The following DYM variants were observed in gnomAD, a reference collection of about 807,000 sequenced individuals.
DYM encodes dymeclin, also known as dyggve-Melchior-Clausen syndrome protein.
In DYM, 78 loss-of-function variants were observed where a neutral mutation model predicts 93.1. That is an observed-to-expected ratio of 0.84 (90% CI 0.70 to 1.01). The LOEUF (loss-of-function observed/expected upper bound fraction) is 1.01, where lower values mean the gene tolerates loss of function less well. Ranked by LOEUF, DYM falls within the 50% of genes least tolerant of loss-of-function variation. The probability of loss-of-function intolerance (pLI) is 0.00; values close to 1 mark genes in which losing one functional copy is unlikely to be tolerated. For synonymous variants in DYM, 321 were observed against 319.7 expected (o/e 1.00, Z -0.04); for missense variants, 789 against 845.0 (o/e 0.93, Z 0.82).
intron 13 of DYM, among the ~76,000 whole-genome samples, chr18:49,218,357 G>A (rs1378709677): frequency 1.3e-5 from 2 of 152,122 alleles, no homozygotes; most frequent in Non-Finnish European, 2.9e-5. Flanking sequence ...GAAACAGAAA[G>A]TTAACAAGGA....
chr18:49,359,343 A>G (rs2065832509), intron 6 of DYM, among the ~76,000 whole-genome samples: 1 of 152,230 alleles, frequency 6.6e-6, no homozygotes, highest in African/African-American at 2.4e-5. Context: ...GCTGAGAGCT[A>G]TGGAGTTAAG....
intron 16 of DYM, among the ~76,000 whole-genome samples, chr18:49,108,457 C>G (rs1245093072): frequency 2.0e-5 from 3 of 152,252 alleles, no homozygotes; most frequent in Non-Finnish European, 4.4e-5. Flanking sequence ...AACCCGGTAT[C>G]TCAGTTGGAA....
intron 15 of DYM, among the ~76,000 whole-genome samples, chr18:49,125,144 C>T (rs2082693078): frequency 6.6e-6 from 1 of 152,112 alleles, no homozygotes; most frequent in Non-Finnish European, 1.5e-5. Context: ...CCTGTAATCC[C>T]AGCTACTCAG....
intron 2 of DYM, among the ~76,000 whole-genome samples, chr18:49,426,843 C>T (rs1041812839): frequency 4.0e-5 from 6 of 151,292 alleles, no homozygotes; most frequent in African/African-American, 1.5e-4. Context: ...TAAAGGGAAA[C>T]GGGAAGTATA....
At chr18:49,240,167 A>C (rs1181463891) in intron 13 of DYM, among the ~76,000 whole-genome samples, 1 of 152,196 alleles carries the variant, frequency 6.6e-6, no homozygotes, top group Non-Finnish European at 1.5e-5. Context: ...GAAATAGTAG[A>C]TATTTAAAAG....
chr18:49,230,197 T>C (rs1420615469), intron 13 of DYM, among the ~76,000 whole-genome samples: 2 of 152,172 alleles, frequency 1.3e-5, no homozygotes, highest in Admixed American at 1.3e-4. Flanking sequence ...CTACATGTAA[T>C]ACATTTTTTA....
chr18:49,195,235 G>A (rs555475370), intron 14 of DYM, among the ~76,000 whole-genome samples: 3 of 151,998 alleles, frequency 2.0e-5, no homozygotes, highest in South Asian at 4.2e-4. Flanking sequence ...TCAAAGTATC[G>A]TGTTACTTTA....
chr18:49,414,540 A>T (rs1385989384), intron 2 of DYM, among the ~76,000 whole-genome samples: 1 of 152,136 alleles, frequency 6.6e-6, no homozygotes, highest in East Asian at 1.9e-4. Context: ...CCAAGTCCTT[A>T]TGTTATTTGT....
At chr18:49,345,172 T>C (rs1157789351) in intron 6 of DYM, among the ~76,000 whole-genome samples, 1 of 152,126 alleles carries the variant, frequency 6.6e-6, no homozygotes, top group East Asian at 1.9e-4. Context: ...TTGCATGTGC[T>C]TCAAAGTTTG....
chr18:49,046,299 G>A (rs560649177), intron 17 of DYM, among the ~76,000 whole-genome samples: 7 of 127,188 alleles, frequency 5.5e-5, no homozygotes, highest in South Asian at 2.8e-4. Flanking sequence ...CCAGACATGC[G>A]CGCGCACACA....
At chr18:49,361,723 A>G (rs1398623149) in intron 6 of DYM, among the ~76,000 whole-genome samples, 1 of 151,928 alleles carries the variant, frequency 6.6e-6, no homozygotes, top group Non-Finnish European at 1.5e-5. Flanking sequence ...TAATTTTTTA[A>G]TTTTTTATTT....
At chr18:49,275,228 T>C (rs939467296) in intron 10 of DYM, among the ~76,000 whole-genome samples, 6 of 152,158 alleles carry the variant, frequency 3.9e-5, no homozygotes, top group African/African-American at 1.4e-4. Context: ...TGAAAAAACC[T>C]ATTCTTTCCA....
chr18:49,082,943 T>G lies in DYM; in HGVS notation c.2025+14459A>C, dbSNP rs1442561497. ...GTAGGTTTTTTCCAAGTGCCCATTG[T>G]CAGGTGAGGAATTTACCTTATATTC... is the stretch of plus-strand genomic sequence containing the variant. On this transcript the variant is annotated intron_variant, in intron 17 of 17. Transcript: ENST00000675505. Among the ~76,000 whole-genome samples, 5 of 152,338 alleles carry G rather than the reference T, an allele frequency of 3.3e-5. No homozygotes were observed. The East Asian group carries it at 9.6e-4, about 29-fold the overall frequency.
rs540189318 is a variant in DYM, at chr18:49,195,916, C to CTTTTTTTTTTTTTTTTTTTTT, written c.1625+13614_1625+13634dup. Among the ~76,000 whole-genome samples, 8 of 84,026 alleles carry CTTTTTTTTTTTTTTTTTTTTT rather than the reference C, an allele frequency of 9.5e-5. 2 individuals carry two copies. Among genetic ancestry groups the CTTTTTTTTTTTTTTTTTTTTT allele is most frequent in the African/African-American group, 4.5e-4 (8 of 17,738 alleles). The allele number at this position is 84,026 out of a possible 152,430, so 55.1% of individuals were successfully genotyped here. On this transcript the variant is annotated intron_variant, in intron 14 of 17. Transcript: ENST00000675505. ...ATTATGCTCTCTTGAATGCTACCAT[C>CTTTTTTTTTTTTTTTTTTTTT]TTTTTTTTTTTTTTTTTTTTTTTTT...
At chr18:49,412,687 A>G in intron 2 of DYM, among the ~76,000 whole-genome samples, 1 of 152,200 alleles carries the variant, frequency 6.6e-6, no homozygotes, top group South Asian at 2.1e-4. Flanking sequence ...AGATTTTTCA[A>G]CTTGAAAAGT....
At chr18:49,378,105 A>G (rs2067685932) in intron 5 of DYM, among the ~76,000 whole-genome samples, 1 of 152,218 alleles carries the variant, frequency 6.6e-6, no homozygotes, top group Non-Finnish European at 1.5e-5. Flanking sequence ...TACTTCTGAT[A>G]AAGTGTCGTA....
chr18:49,160,690 G>A (rs57434680), intron 15 of DYM, among the ~76,000 whole-genome samples: 17,533 of 151,856 alleles, frequency 0.12, 1,203 homozygotes, highest in East Asian at 0.29. Flanking sequence ...CCAGGACACA[G>A]AATTTTATGT....
At chr18:49,369,838 C>A (rs2066838705) in intron 5 of DYM, among the ~76,000 whole-genome samples, 1 of 152,200 alleles carries the variant, frequency 6.6e-6, no homozygotes, top group African/African-American at 2.4e-5. Context: ...CCCTTTTCTA[C>A]TCTCCACAAA....
At chr18:49,145,170 A>G (rs1344595799) in intron 15 of DYM, among the ~76,000 whole-genome samples, 1 of 136,006 alleles carries the variant, frequency 7.4e-6, no homozygotes, top group Non-Finnish European at 1.6e-5. Flanking sequence ...TAGGTCCCCA[A>G]TGGGAAAACA....
Sources: allele counts gnomAD v4.1 joint callset (sites outside exome capture counted in the v4.1 genomes callset), GRCh38; gene constraint gnomAD v4.1.1; transcripts MANE v1.5; gene names NCBI Gene and HGNC (gene_info 2026-07-23, HGNC 2026-07-21).